Variants in EXOC6B observed in about 807,000 individuals in gnomAD.
EXOC6B encodes SEC15 homolog B.
EXOC6B carries 54 observed loss-of-function variants against 113.5 expected under a neutral mutation model. The observed-to-expected ratio is 0.48, with a 90% CI of 0.38 to 0.60. The LOEUF is 0.60. Ranked by LOEUF, EXOC6B falls within the 20% of genes least tolerant of loss-of-function variation. The pLI is 0.00. For missense variants in EXOC6B, 797 were observed against 977.5 expected, an observed-to-expected ratio of 0.82 and a Z score of 2.46; for synonymous variants, 357 against 339.0, an observed-to-expected ratio of 1.05 and a Z score of -0.58.
At chr2:72,518,410 T>G (rs1249889764) in intron 8 of EXOC6B, among the ~76,000 whole-genome samples, 3 of 151,616 alleles carry the variant, frequency 2.0e-5, no homozygotes, top group Admixed American at 2.0e-4. Context: ...CTTACTGAAT[T>G]TATAGACTAT....
rs184812380 is a variant in EXOC6B, at chr2:72,408,485, C to G, written c.1981-28615G>C. On this transcript the variant is annotated intron_variant, in intron 18 of 21. Transcript: ENST00000272427. ...AAACCATACTACAAGGCTACAGTAACCAAAACAGCATGGTACTGGTACCAA... is the reference window on the plus strand; with the variant it reads ...AAACCATACTACAAGGCTACAGTAAGCAAAACAGCATGGTACTGGTACCAA... 3.0e-3 allele frequency among the ~76,000 whole-genome samples: 458 copies of G among 152,258 alleles called. 11 individuals are homozygous for G. The highest frequency in any genetic ancestry group is 0.026 in the Admixed American group (404 of 15,284).
intron 5 of EXOC6B, among the ~76,000 whole-genome samples, chr2:72,729,044 A>G (rs1047129872): frequency 6.6e-6 from 1 of 152,212 alleles, no homozygotes; most frequent in African/African-American, 2.4e-5. Flanking sequence ...TGCCTAGCGC[A>G]TAGTAGGTAC....
In EXOC6B at chr2:72,465,318, C is replaced by A; in HGVS notation, c.1822G>T (p.Glu608Ter). The A allele has an allele frequency of 6.3e-7, 1 of 1,599,720 alleles. No individual in the cohort carries two copies. Among genetic ancestry groups the A allele is most frequent in the Non-Finnish European group, 8.5e-7 (1 of 1,172,794 alleles). The stretch of plus-strand genomic sequence containing the variant: ...TGGTTTAAGTTGGTATAAATCTCTT[C>A]TTCAGCTGCATGTCTAGCATCCTGT... ...TFKDARHAAE[E>*]EIYTNLNQKI... The change falls in exon 18 of 22, where the codon GAA (glutamate) becomes TAA (stop). Residue 608 changes from glutamate (E) to a stop codon, truncating the protein, a stop_gained. Transcript: ENST00000272427. LOFTEE classifies it high-confidence loss of function.
chr2:72,659,685 A>G (rs1201351033), intron 6 of EXOC6B, among the ~76,000 whole-genome samples: 1 of 152,070 alleles, frequency 6.6e-6, no homozygotes, highest in Non-Finnish European at 1.5e-5. Flanking sequence ...AAAATTTATA[A>G]ATAATCATTT....
chr2:72,525,358 T>G (rs920159330), intron 8 of EXOC6B, among the ~76,000 whole-genome samples: 1 of 152,176 alleles, frequency 6.6e-6, no homozygotes, highest in East Asian at 1.9e-4. Context: ...TGATGACTAC[T>G]TTTTATAACC....
chr2:72,752,653 C>T (rs1477565399), intron 1 of EXOC6B, among the ~76,000 whole-genome samples: 2 of 151,608 alleles, frequency 1.3e-5, no homozygotes, highest in Admixed American at 6.6e-5. Context: ...CTTACTGCCT[C>T]CATTTCCTCA....
At chr2:72,215,839 G>A (rs1680494731) in intron 20 of EXOC6B, among the ~76,000 whole-genome samples, 1 of 151,984 alleles carries the variant, frequency 6.6e-6, no homozygotes. Context: ...AGTCACTGCA[G>A]GAAAGGAAAA....
At chr2:72,432,791 G>GTTTAAGTTCTTT (rs1157942494) in intron 18 of EXOC6B, among the ~76,000 whole-genome samples, 1 of 150,048 alleles carries the variant, frequency 6.7e-6, no homozygotes, top group Non-Finnish European at 1.5e-5. Context: ...TTGTAAATTT[G>GTTTAAGTTCTTT]GTAGATTCTG....
intron 1 of EXOC6B, among the ~76,000 whole-genome samples, chr2:72,751,029 GAAATATAAA>G (rs1458083593): frequency 2.6e-5 from 4 of 151,552 alleles, no homozygotes; most frequent in Non-Finnish European, 5.9e-5. Context: ...GATGTTTAAA[GAAATATAAA>G]AAGGAATTAC....
intron 20 of EXOC6B, among the ~76,000 whole-genome samples, chr2:72,283,013 T>A (rs1263573558): frequency 6.6e-6 from 1 of 152,070 alleles, no homozygotes. Flanking sequence ...AACTAAAAAA[T>A]CATTAGAGAT....
intron 18 of EXOC6B, among the ~76,000 whole-genome samples, chr2:72,431,263 T>C (rs1695501797): frequency 3.9e-5 from 6 of 152,206 alleles, no homozygotes. Context: ...AGAAAATTCA[T>C]AACTTGGCTT....
At chr2:72,517,925 C>G (rs1701296871) in intron 8 of EXOC6B, among the ~76,000 whole-genome samples, 1 of 152,136 alleles carries the variant, frequency 6.6e-6, no homozygotes, top group East Asian at 1.9e-4. Context: ...AGGATAAAAA[C>G]AAAAGACAAG....
chr2:72,702,201 T>C (rs1429724117), intron 6 of EXOC6B, among the ~76,000 whole-genome samples: 2 of 151,722 alleles, frequency 1.3e-5, no homozygotes, highest in Non-Finnish European at 2.9e-5. Flanking sequence ...AATAGTTTAC[T>C]GAGAATGATG....
At chr2:72,498,370 A>G in intron 13 of EXOC6B, 84 bp downstream of exon 13, 1 of 859,494 alleles carries the variant, frequency 1.2e-6, no homozygotes, top group Non-Finnish European at 1.8e-6. Context: ...TGCCTATAAC[A>G]TCTGAAAACC....
intron 19 of EXOC6B, among the ~76,000 whole-genome samples, chr2:72,350,202 A>C (rs1235790856): frequency 6.6e-6 from 1 of 152,232 alleles, no homozygotes; most frequent in Non-Finnish European, 1.5e-5. Context: ...ATATTAAAAC[A>C]GTCTTCATTA....
At chr2:72,181,312 C>A (rs368494443) in intron 21 of EXOC6B, among the ~76,000 whole-genome samples, 12 of 152,224 alleles carry the variant, frequency 7.9e-5, no homozygotes, top group African/African-American at 2.6e-4. Flanking sequence ...GTACGACCAC[C>A]CACATGTGGA....
intron 19 of EXOC6B, among the ~76,000 whole-genome samples, chr2:72,376,986 C>G (rs753954069): frequency 6.6e-6 from 1 of 151,414 alleles, no homozygotes; most frequent in Non-Finnish European, 1.5e-5. Context: ...CAAAATATGT[C>G]AAAAACTCAA....
At chr2:72,264,111 A>G (rs563514784) in intron 20 of EXOC6B, among the ~76,000 whole-genome samples, 2 of 152,330 alleles carry the variant, frequency 1.3e-5, no homozygotes, top group East Asian at 3.9e-4. Context: ...GATGTCATAT[A>G]CTGTATGCTC....
intron 8 of EXOC6B, among the ~76,000 whole-genome samples, chr2:72,523,697 CG>C (rs1401382342): frequency 7.2e-6 from 1 of 138,942 alleles, no homozygotes; most frequent in African/African-American, 2.7e-5. Flanking sequence ...AGGAGAATGG[CG>C]TGAACCCGGG....
Sources: allele counts gnomAD v4.1 joint callset (sites outside exome capture counted in the v4.1 genomes callset), GRCh38; gene constraint gnomAD v4.1.1; transcripts MANE v1.5; gene names NCBI Gene and HGNC (gene_info 2026-07-23, HGNC 2026-07-21).